The following SLC44A3 variants were observed in gnomAD, a reference collection of about 807,000 sequenced individuals.
SLC44A3 encodes choline transporter-like protein 3.
SLC44A3 carries 74 observed loss-of-function variants against 75.4 expected under a neutral mutation model. The observed-to-expected ratio is 0.98, with a 90% CI of 0.81 to 1.19. SLC44A3 has a LOEUF of 1.19. Ranked by LOEUF, SLC44A3 falls within the 50% of genes most tolerant of loss-of-function variation. The pLI is 0.00. For synonymous variants in SLC44A3, 310 were observed against 296.9 expected, an observed-to-expected ratio of 1.04 and a Z score of -0.45; for missense variants, 700 against 778.6, an observed-to-expected ratio of 0.90 and a Z score of 1.20.
chr1:94,841,922 TC>T (rs994436274), intron 7 of SLC44A3, 77 bp from the exon 8 acceptor site: 3 of 1,508,928 alleles, frequency 2.0e-6, no homozygotes, highest in Non-Finnish European at 2.7e-6. Context: ...TGGCTGGACT[TC>T]CTGTGTGATT....
rs187255363 is a variant in SLC44A3 at position 94,860,612 on chromosome 1, G to A, written c.1238+3112G>A. On this transcript the variant is annotated intron_variant, in intron 10 of 14. Transcript: ENST00000271227. ...CCAGCAACTCTGAACCAGAAAAACA[G>A]TGAAGGAAGGCTGTAGAAGTCTAGT... Among the ~76,000 whole-genome samples, 4 of 152,328 alleles carry A rather than the reference G, an allele frequency of 2.6e-5. No homozygotes were observed. In the South Asian group the frequency reaches 6.2e-4, roughly 24 times the overall value.
Position 94,892,375 on chromosome 1 carries a change from CT to C in SLC44A3, c.1722del (p.Phe574LeufsTer4), listed in dbSNP as rs752543591. On this transcript the variant is annotated frameshift_variant, in exon 14 of 15. Transcript: ENST00000271227. LOFTEE classifies it high-confidence loss of function. ...TGGGCAGTCCCTCTGTTATTGGTAGCTTTTTTTGCCTACTTAGTAGCCCATA... is the reference window on the plus strand; with the variant it reads ...TGGGCAGTCCCTCTGTTATTGGTAGCTTTTTTGCCTACTTAGTAGCCCATA... Reference protein sequence around the residue: ...QVWAVPLLLVAFFAYLVAHSF... With the variant: ...QVWAVPLLLVXFFAYLVAHSF... 1.2e-5 allele frequency: 20 copies of C among 1,613,954 alleles called. No individual in the cohort carries two copies. The highest frequency in any genetic ancestry group is 1.2e-4 in the African/African-American group (9 of 74,904).
chr1:94,827,570 C>G lies in SLC44A3; in HGVS notation c.342C>G (p.Ala114=). The G allele has an allele frequency of 6.2e-7, 1 of 1,614,200 alleles. No homozygotes were observed. Among genetic ancestry groups the G allele is most frequent in the Non-Finnish European group, 8.5e-7 (1 of 1,180,032 alleles). ...EVKGTQLNRM[A]LCVSNCPEEQ... ...AAGGTACGCAGCTCAACCGCATGGC[C>G]CTCTGTGTATCCAACTGCCCTGAAG... The change falls in exon 4 of 15, where the codon GCC becomes GCG. Residue 114 remains alanine, a synonymous_variant. Transcript: ENST00000271227.
At chr1:94,829,249 C>G (rs1233193278) in intron 5 of SLC44A3, among the ~76,000 whole-genome samples, 1 of 151,728 alleles carries the variant, frequency 6.6e-6, no homozygotes, top group Non-Finnish European at 1.5e-5. Flanking sequence ...CGACACTGCA[C>G]TCCAGCCTGG....
rs1660521073 is a variant in SLC44A3, at chr1:94,821,128, G to A, written c.135+72G>A. 2.7e-5 allele frequency: 5 copies of A among 187,724 alleles called. No individual in the cohort carries two copies. The Admixed American group carries it at 5.6e-4, about 21-fold the overall frequency. 11.6% of individuals were successfully genotyped at this position (187,724 alleles called of 1,614,324 possible). A position where few individuals can be genotyped will look rare whatever the true frequency, so the allele number is the denominator to read the frequency against. On this transcript the variant is annotated intron_variant, in intron 2 of 14. Transcript: ENST00000271227. ...GTCTGGAAATAACTCTGTCCCAAATGTAAATCGTAGTTGGTGCTGCAGTGA... is the reference window on the plus strand; with the variant it reads ...GTCTGGAAATAACTCTGTCCCAAATATAAATCGTAGTTGGTGCTGCAGTGA...
Position 94,837,706 on chromosome 1 carries a change from TTTAGC to T in SLC44A3, c.510-4_510del. ...TTTTTGCCATCTTTTTTTCTCTATT[TTTAGC>T]AAGTCATTTCCCTTATTTAACCGAT... is the stretch of plus-strand genomic sequence containing the variant. On this transcript the variant is annotated splice_acceptor_variant and splice_polypyrimidine_tract_variant and coding_sequence_variant and intron_variant, in exon 6 of 15. Transcript: ENST00000271227. LOFTEE classifies it high-confidence loss of function. 1 of 1,555,612 alleles carries T rather than the reference TTTAGC, an allele frequency of 6.4e-7. No individual in the cohort carries two copies. The highest frequency in any genetic ancestry group is 1.2e-5 in the South Asian group (1 of 82,154).
At chr1:94,842,701 G>A (rs1031285269) in intron 8 of SLC44A3, among the ~76,000 whole-genome samples, 2 of 152,100 alleles carry the variant, frequency 1.3e-5, no homozygotes, top group African/African-American at 2.4e-5. Context: ...CGTTAGGAAG[G>A]CTCAAATCAC....
chr1:94,879,790 GACTGCGCCACTGC>G (rs1184498698), intron 12 of SLC44A3, among the ~76,000 whole-genome samples: 1 of 147,576 alleles, frequency 6.8e-6, no homozygotes, highest in Non-Finnish European at 1.5e-5. Context: ...AGTGAGTCGA[GACTGCGCCACTGC>G]ACTCTAGCCT....
chr1:94,827,610 CT>C lies in SLC44A3; in HGVS notation c.383del (p.Leu128ArgfsTer20). ...CTGCCCTGAAGAGCAGCTTGACTCCCTGGAAGAGGTCCAGTTCTTTGCAAAC... is the reference window on the plus strand; with the variant it reads ...CTGCCCTGAAGAGCAGCTTGACTCCCGGAAGAGGTCCAGTTCTTTGCAAAC... The part of the protein sequence containing the change: ...SNCPEEQLDS[L>X]EEVQFFANTS... On this transcript the variant is annotated frameshift_variant, in exon 4 of 15. Coordinates refer to ENST00000271227, the MANE Select transcript of SLC44A3 (RefSeq NM_001114106.3). LOFTEE classifies it high-confidence loss of function. The C allele has an allele frequency of 6.2e-7, 1 of 1,614,194 alleles. No individual in the cohort carries two copies. Among genetic ancestry groups the C allele is most frequent in the Non-Finnish European group, 8.5e-7 (1 of 1,180,038 alleles).
Position 94,820,462 on chromosome 1 carries a change from TGG to T in SLC44A3, c.13_14del (p.Gly5ArgfsTer12). The T allele has an allele frequency of 6.7e-7, 1 of 1,494,054 alleles. No individual in the cohort carries two copies. The highest frequency in any genetic ancestry group is 8.9e-7 in the Non-Finnish European group (1 of 1,125,704). 92.5% of individuals were successfully genotyped at this position (1,494,054 alleles called of 1,614,324 possible). A position where few individuals can be genotyped will look rare whatever the true frequency, so the allele number is the denominator to read the frequency against. The stretch of plus-strand genomic sequence containing the variant: ...GCCGGCGAGCGCACGATGCACTGCC[TGG>T]GCGCCGAGTACCTGGTAAGCGCTCG... On this transcript the variant is annotated frameshift_variant, in exon 1 of 15. Transcript: ENST00000271227. LOFTEE classifies it high-confidence loss of function.
chr1:94,864,951 C>T (rs12141024), intron 11 of SLC44A3, 52 bp downstream of exon 11: 2 of 1,581,920 alleles, frequency 1.3e-6, no homozygotes, highest in Non-Finnish European at 1.7e-6. Context: ...TTGCCAGAAA[C>T]TTAATTACTG....
intron 9 of SLC44A3, among the ~76,000 whole-genome samples, chr1:94,851,728 A>G (rs1665238461): frequency 6.6e-6 from 1 of 152,192 alleles, no homozygotes; most frequent in South Asian, 2.1e-4. Flanking sequence ...AGCCAGTGGG[A>G]GACACAGGCA....
chr1:94,865,042 C>T (rs1372997048), intron 11 of SLC44A3, 143 bp downstream of exon 11: 1 of 660,712 alleles, frequency 1.5e-6, no homozygotes, highest in South Asian at 2.8e-5. Context: ...CCTCAGCTCC[C>T]ATCCCCCGCC....
At chr1:94,865,868 T>C (rs530094958) in intron 11 of SLC44A3, among the ~76,000 whole-genome samples, 2 of 152,378 alleles carry the variant, frequency 1.3e-5, no homozygotes, top group Admixed American at 6.5e-5. Context: ...ATCTGAATTG[T>C]TGATATTTTA....
intron 5 of SLC44A3, among the ~76,000 whole-genome samples, chr1:94,834,992 A>G: frequency 6.6e-6 from 1 of 152,254 alleles, no homozygotes; most frequent in East Asian, 1.9e-4. Flanking sequence ...GGATTCTATG[A>G]GAAAGGCACT....
chr1:94,884,556 A>G (rs191956638), intron 12 of SLC44A3, among the ~76,000 whole-genome samples: 4 of 152,308 alleles, frequency 2.6e-5, no homozygotes, highest in African/African-American at 9.6e-5. Context: ...TCTTGCTTTG[A>G]GAATAAATAT....
intron 11 of SLC44A3, among the ~76,000 whole-genome samples, chr1:94,866,365 AG>A (rs1667168498): frequency 6.6e-6 from 1 of 152,138 alleles, no homozygotes; most frequent in African/African-American, 2.4e-5. Flanking sequence ...GAGGTCTAAA[AG>A]GTTATTTATC....
At chr1:94,879,853 A>AG (rs1668760409) in intron 12 of SLC44A3, among the ~76,000 whole-genome samples, 1 of 151,560 alleles carries the variant, frequency 6.6e-6, no homozygotes, top group Non-Finnish European at 1.5e-5. Context: ...AAAAAAAAAA[A>AG]GAAAAAAAAA....
intron 14 of SLC44A3, 62 bp from the exon 15 acceptor site, chr1:94,894,755 GC>G: frequency 1.4e-6 from 2 of 1,387,408 alleles, no homozygotes; most frequent in Non-Finnish European, 1.0e-6. Flanking sequence ...TTTTCCCTCG[GC>G]CCCTACGTTA....
Sources: gnomAD v4.1 joint callset for allele counts (sites outside exome capture counted in the v4.1 genomes callset) on GRCh38, gnomAD v4.1.1 for gene constraint, MANE v1.5 for transcripts, NCBI Gene and HGNC (gene_info 2026-07-23, HGNC 2026-07-21) for gene names.